NPAS3: variants seen among roughly 807,000 people sequenced by gnomAD.
The protein encoded by NPAS3 is neuronal PAS domain-containing protein 3.
NPAS3 carries 14 observed loss-of-function variants against 73.1 expected under a neutral mutation model. That is an observed-to-expected ratio of 0.19 (90% CI 0.13 to 0.30). NPAS3 has a LOEUF of 0.30. Among genes scored for constraint, NPAS3 ranks in the 10% least tolerant of loss-of-function variants. The pLI, the probability that NPAS3 is intolerant of heterozygous loss-of-function variation, is 1.00. For synonymous variants in NPAS3, 620 were observed against 541.5 expected (o/e 1.14, Z -2.01); for missense variants, 1,096 against 1,250.0 (o/e 0.88, Z 1.86).
chr14:33,042,528 C>T (rs1462725586), intron 1 of NPAS3, among the ~76,000 whole-genome samples: 1 of 152,136 alleles, frequency 6.6e-6, no homozygotes, highest in African/African-American at 2.4e-5. Flanking sequence ...AAACCTTTGC[C>T]AAAATATCAA....
chr14:33,610,021 A>G (rs556692403), intron 5 of NPAS3, among the ~76,000 whole-genome samples: 3 of 152,290 alleles, frequency 2.0e-5, no homozygotes, highest in East Asian at 1.9e-4. Flanking sequence ...GTTGTTGTCT[A>G]ATCTTTTAAG....
rs77757536 is a variant in NPAS3 at position 33,177,738 on chromosome 14, G to A, written c.141-37444G>A. ...TGCATGTGGAAATTCAGTTGCTCCA[G>A]CACAGTTTGTTAAAGAAACTAGTCT... On this transcript the variant is annotated intron_variant, in intron 2 of 11. Coordinates refer to ENST00000356141, the Ensembl canonical transcript of NPAS3. Among the ~76,000 whole-genome samples the A allele has an allele frequency of 9.3e-3, 1,414 of 152,286 alleles. 22 individuals carry two copies. Among genetic ancestry groups the A allele is most frequent in the African/African-American group, 0.032 (1,315 of 41,554 alleles).
At chr14:32,954,778 T>G (rs1176565596) in intron 1 of NPAS3, among the ~76,000 whole-genome samples, 1 of 152,164 alleles carries the variant, frequency 6.6e-6, no homozygotes, top group Non-Finnish European at 1.5e-5. Flanking sequence ...CTTACTTATC[T>G]TCTGATTCCA....
chr14:33,404,885 G>A (rs1227772759), intron 4 of NPAS3, among the ~76,000 whole-genome samples: 1 of 152,088 alleles, frequency 6.6e-6, no homozygotes, highest in African/African-American at 2.4e-5. Context: ...TGGGAGACAG[G>A]TAATGTGGAT....
chr14:33,584,912 T>A (rs2056808953), intron 5 of NPAS3, among the ~76,000 whole-genome samples: 1 of 152,156 alleles, frequency 6.6e-6, no homozygotes, highest in Admixed American at 6.5e-5. Flanking sequence ...GCTAAAGACT[T>A]GGTTACCTTG....
At chr14:33,570,536 CATTA>C (rs1458226256) in intron 5 of NPAS3, among the ~76,000 whole-genome samples, 1 of 152,274 alleles carries the variant, frequency 6.6e-6, no homozygotes, top group African/African-American at 2.4e-5. Flanking sequence ...TTTTCCGGCT[CATTA>C]ATTAAAGTTG....
chr14:33,490,509 C>T (rs1441562985), intron 4 of NPAS3, among the ~76,000 whole-genome samples: 3 of 152,108 alleles, frequency 2.0e-5, no homozygotes, highest in African/African-American at 4.8e-5. Context: ...TCTAGAACCT[C>T]GAGCTTGTTC....
intron 3 of NPAS3, among the ~76,000 whole-genome samples, chr14:33,236,585 A>G: frequency 6.6e-6 from 1 of 152,116 alleles, no homozygotes; most frequent in Non-Finnish European, 1.5e-5. Context: ...TATTAAACTA[A>G]AGAACAACCC....
chr14:33,742,591 A>G (rs2061682423), intron 7 of NPAS3, among the ~76,000 whole-genome samples: 1 of 152,178 alleles, frequency 6.6e-6, no homozygotes, highest in African/African-American at 2.4e-5. Context: ...CTCCATGTGG[A>G]TGGCTGCTGA....
intron 5 of NPAS3, among the ~76,000 whole-genome samples, chr14:33,621,471 T>A (rs1242008350): frequency 5.3e-5 from 8 of 152,008 alleles, no homozygotes; most frequent in Admixed American, 5.2e-4. Flanking sequence ...TAAAAATTAT[T>A]TATAACAAGA....
rs1006707757 is a variant in NPAS3 at position 33,800,736 on chromosome 14, C to G, written c.2429C>G (p.Thr810Ser). 1 of 1,556,680 alleles carries G rather than the reference C, an allele frequency of 6.4e-7. No homozygotes were observed. The highest frequency in any genetic ancestry group is 1.4e-5 in the African/African-American group (1 of 73,796). ...GTGCTCCCGCTGGTGCACAGGGTGA[C>G]CGGGACCCTGGCCGCCACCAGCACG... The change falls in exon 12 of 12, where the codon ACC becomes AGC. Residue 810 changes from threonine (T) to serine (S), a missense_variant. Physicochemically the swap from Thr to Ser is moderately conservative, Grantham distance 58. Around this residue, in one of 5 missense-constraint regions of NPAS3, gnomAD observed 698 missense variants for 676.7 expected, o/e 1.03. Coordinates refer to ENST00000356141, the Ensembl canonical transcript of NPAS3. This position sits in a 1 kb window ranked among gnomAD's most constrained non-coding sequence, Gnocchi z 6.5.
chr14:33,688,014 TAA>T (rs1439924059), intron 6 of NPAS3, among the ~76,000 whole-genome samples: 1 of 152,232 alleles, frequency 6.6e-6, no homozygotes, highest in Non-Finnish European at 1.5e-5. Context: ...ACAGCTGATG[TAA>T]AGTCTAATAC....
At chr14:33,555,956 G>C (rs1015144234) in intron 4 of NPAS3, among the ~76,000 whole-genome samples, 1 of 151,644 alleles carries the variant, frequency 6.6e-6, no homozygotes, top group Non-Finnish European at 1.5e-5. Flanking sequence ...TTAACTAGTT[G>C]TTTTCCCCCC....
At chr14:33,402,352 T>C (rs999648717) in intron 4 of NPAS3, among the ~76,000 whole-genome samples, 3 of 152,138 alleles carry the variant, frequency 2.0e-5, no homozygotes, top group Non-Finnish European at 2.9e-5. Context: ...CTTGAAATAA[T>C]GTGACCACTG....
chr14:33,331,000 T>C (rs1023815198), intron 3 of NPAS3, among the ~76,000 whole-genome samples: 1 of 152,226 alleles, frequency 6.6e-6, no homozygotes, highest in African/African-American at 2.4e-5. Context: ...AAATTTAAAC[T>C]ATTTACACTT....
At chr14:33,597,868 C>T (rs1246564647) in intron 5 of NPAS3, among the ~76,000 whole-genome samples, 1 of 152,170 alleles carries the variant, frequency 6.6e-6, no homozygotes, top group East Asian at 1.9e-4. Context: ...TAAATAATTA[C>T]CTATATACTG....
intron 3 of NPAS3, among the ~76,000 whole-genome samples, chr14:33,307,203 A>T (rs2140175057): frequency 6.6e-6 from 1 of 152,322 alleles, no homozygotes. Flanking sequence ...ATAAGGGAAA[A>T]GAGGTTTTTG....
chr14:32,965,718 A>G (rs1362674595), intron 1 of NPAS3, among the ~76,000 whole-genome samples: 1 of 152,340 alleles, frequency 6.6e-6, no homozygotes, highest in East Asian at 1.9e-4. Flanking sequence ...GAGCAATTAG[A>G]GAAGAGAAAG....
intron 4 of NPAS3, among the ~76,000 whole-genome samples, chr14:33,466,655 G>T (rs1306671819): frequency 6.6e-6 from 1 of 152,156 alleles, no homozygotes; most frequent in African/African-American, 2.4e-5. Context: ...CTCCTGGGGA[G>T]GCCTCAGGAA....
Sources: gnomAD v4.1 joint callset for allele counts (sites outside exome capture counted in the v4.1 genomes callset) on GRCh38, gnomAD v4.1.1 for gene constraint, gnomAD v4.1.1 regional missense constraint, Gnocchi (gnomAD v3.1) non-coding constraint, MANE v1.5 for transcripts, NCBI Gene and HGNC (gene_info 2026-07-23, HGNC 2026-07-21) for gene names.